CLASP2: variants seen among roughly 807,000 people sequenced by gnomAD.
CLASP2 encodes CLIP-associating protein 2.
CLASP2 carries 47 observed loss-of-function variants against 194.4 expected under a neutral mutation model. The ratio of observed to expected loss-of-function variants is 0.24; its 90% CI spans 0.19 to 0.31. The LOEUF (loss-of-function observed/expected upper bound fraction) is 0.31. Among genes scored for constraint, CLASP2 ranks in the 10% least tolerant of loss-of-function variants. CLASP2 has a pLI of 1.00. For missense variants in CLASP2, 1,445 were observed against 1,823.6 expected (o/e 0.79, Z 3.78); for synonymous variants, 619 against 633.5 (o/e 0.98, Z 0.34).
intron 26 of CLASP2, among the ~76,000 whole-genome samples, chr3:33,568,553 C>CAAAAAAAAAAAAAAATAAAAAA (rs2063172583): frequency 3.5e-5 from 2 of 56,842 alleles, no homozygotes; most frequent in African/African-American, 1.5e-4. Flanking sequence ...GATCTTGTCT[C>CAAAAAAAAAAAAAAATAAAAAA]AAAAAAAAAA....
At chr3:33,538,140 CAAA>C (rs56146913) in intron 33 of CLASP2, among the ~76,000 whole-genome samples, 1 of 142,972 alleles carries the variant, frequency 7.0e-6, no homozygotes, top group Non-Finnish European at 1.5e-5. Context: ...GACTCCGTCT[CAAA>C]AAAAAAAAAA....
At chr3:33,531,942 C>T (rs1353239508) in intron 34 of CLASP2, among the ~76,000 whole-genome samples, 2 of 152,064 alleles carry the variant, frequency 1.3e-5, no homozygotes, top group South Asian at 2.1e-4. Flanking sequence ...AAATGGTATA[C>T]CTGCTATGGA....
At chr3:33,627,105 A>G in intron 9 of CLASP2, 25 bp from the exon 10 acceptor site, 1 of 1,320,792 alleles carries the variant, frequency 7.6e-7, no homozygotes, top group African/African-American at 1.5e-5. Flanking sequence ...TCAGAATTAT[A>G]ACAATGTTTC....
chr3:33,628,235 G>A lies in CLASP2; in HGVS notation c.943-1155C>T, dbSNP rs77030936. Among the ~76,000 whole-genome samples the A allele has an allele frequency of 4.3e-4, 66 of 152,286 alleles. 1 individual carries two copies. The East Asian group carries it at 0.013, about 29-fold the overall frequency. The stretch of plus-strand genomic sequence containing the variant: ...AGACAAGGCTGAAGAGGTAGATGGT[G>A]ACCAGGTAACACTGTTATGTGGTTA... On this transcript the variant is annotated intron_variant, in intron 9 of 38. Coordinates refer to ENST00000682230, the MANE Select transcript of CLASP2 (RefSeq NM_001365631.1).
At chr3:33,577,095 A>C in intron 23 of CLASP2, 1 of 899,596 alleles carries the variant, frequency 1.1e-6, no homozygotes, top group Non-Finnish European at 1.6e-6. Flanking sequence ...ATTAAATTTA[A>C]ATAATAAAAA....
At chr3:33,592,324 C>T in intron 21 of CLASP2, 71 bp downstream of exon 21, 2 of 1,056,866 alleles carry the variant, frequency 1.9e-6, no homozygotes, top group Non-Finnish European at 1.4e-6. Flanking sequence ...TCGTCTAATA[C>T]AGTAATACAA....
At chr3:33,692,867 G>C (rs149693668) in intron 2 of CLASP2, among the ~76,000 whole-genome samples, 277 of 152,214 alleles carry the variant, frequency 1.8e-3, no homozygotes, top group Middle Eastern at 6.8e-3. Flanking sequence ...GAAGAAGTCT[G>C]AAACGTAACT....
intron 32 of CLASP2, among the ~76,000 whole-genome samples, chr3:33,542,604 TTATGA>T (rs1453231395): frequency 1.3e-5 from 2 of 150,294 alleles, no homozygotes; most frequent in African/African-American, 4.9e-5. Context: ...AATGTCATAT[TTATGA>T]TATATGACAT....
intron 36 of CLASP2, chr3:33,514,804 A>T (rs917700886): frequency 7.0e-5 from 13 of 186,452 alleles, no homozygotes; most frequent in Non-Finnish European, 1.3e-4. Context: ...TGGATAAAGA[A>T]ATTGTGTATA....
At chr3:33,684,503 T>C in intron 5 of CLASP2, 47 bp from the exon 6 acceptor site, 1 of 1,255,150 alleles carries the variant, frequency 8.0e-7, no homozygotes, top group Non-Finnish European at 1.1e-6. Context: ...TATGATACAA[T>C]AAAATACTTC....
intron 21 of CLASP2, among the ~76,000 whole-genome samples, chr3:33,589,245 T>A (rs1057273546): frequency 6.6e-6 from 1 of 152,062 alleles, no homozygotes; most frequent in African/African-American, 2.4e-5. Context: ...AACCAGCCAC[T>A]ACCAACAGAA....
intron 1 of CLASP2, among the ~76,000 whole-genome samples, chr3:33,697,214 T>C (rs1265448395): frequency 6.6e-6 from 1 of 152,228 alleles, no homozygotes; most frequent in African/African-American, 2.4e-5. Flanking sequence ...AGGAGTTTAC[T>C]GACTCTACAG....
At chr3:33,588,911 C>A (rs2068021411) in intron 21 of CLASP2, among the ~76,000 whole-genome samples, 1 of 152,002 alleles carries the variant, frequency 6.6e-6, no homozygotes, top group Non-Finnish European at 1.5e-5. Flanking sequence ...ATGTCTTTAA[C>A]AAAAGCAGTA....
chr3:33,659,088 A>C (rs2084828822), intron 7 of CLASP2: 1 of 1,512,806 alleles, frequency 6.6e-7, no homozygotes, highest in Non-Finnish European at 8.8e-7. Flanking sequence ...TGCAGCCTGC[A>C]GACACCCGGA....
chr3:33,505,898 T>TA (rs2048037781), intron 37 of CLASP2, among the ~76,000 whole-genome samples: 2 of 151,720 alleles, frequency 1.3e-5, no homozygotes, highest in Non-Finnish European at 2.9e-5. Flanking sequence ...TACAAAAAAT[T>TA]AAAAAAATTA....
At chr3:33,527,970 C>CA (rs1283919589) in intron 34 of CLASP2, among the ~76,000 whole-genome samples, 10 of 151,192 alleles carry the variant, frequency 6.6e-5, no homozygotes, top group Admixed American at 2.0e-4. Context: ...CAAAACAAAA[C>CA]AAAAAAAACC....
chr3:33,530,311 C>T (rs2055955758), intron 34 of CLASP2, among the ~76,000 whole-genome samples: 1 of 150,682 alleles, frequency 6.6e-6, no homozygotes, highest in Non-Finnish European at 1.5e-5. Context: ...CCTAACTTTA[C>T]AAAAAAAAAT....
intron 36 of CLASP2, among the ~76,000 whole-genome samples, chr3:33,515,784 G>T (rs1244230367): frequency 6.6e-6 from 1 of 152,044 alleles, no homozygotes; most frequent in Non-Finnish European, 1.5e-5. Flanking sequence ...GTGAAGTGAA[G>T]GAGAAAACAA....
intron 38 of CLASP2, among the ~76,000 whole-genome samples, chr3:33,498,957 CAG>C (rs756407141): frequency 5.9e-5 from 9 of 151,932 alleles, no homozygotes; most frequent in Non-Finnish European, 1.3e-4. Context: ...TTGTTCATGA[CAG>C]AGTATTTTAT....
Sources: allele counts gnomAD v4.1 joint callset (sites outside exome capture counted in the v4.1 genomes callset), GRCh38; gene constraint gnomAD v4.1.1; transcripts MANE v1.5; gene names NCBI Gene and HGNC (gene_info 2026-07-23, HGNC 2026-07-21).